Variants in AHR observed in about 807,000 individuals in gnomAD.
The protein encoded by AHR is aryl hydrocarbon receptor, also known as AH-receptor.
Under a neutral mutation model 86.8 loss-of-function variants are expected in AHR, and 40 were observed. That is an observed-to-expected ratio of 0.46 (90% confidence interval 0.36 to 0.60). AHR has a LOEUF of 0.60. Among genes scored for constraint, AHR ranks in the 20% least tolerant of loss-of-function variants. The pLI is 0.00. For synonymous variants in AHR, 398 were observed against 354.9 expected (o/e 1.12, Z -1.37); for missense variants, 1,001 against 1,011.6 (o/e 0.99, Z 0.14).
In AHR at chr7:17,299,129, C is replaced by G. The variant is rs559832842; in HGVS notation, c.-136C>G. Reference sequence around the variant, plus strand: ...GAGGCGCGGCGCCCACGCCACTGTCCCGAGAGGACGCAGGTGGAGCGGGCG... The same window carrying G: ...GAGGCGCGGCGCCCACGCCACTGTCGCGAGAGGACGCAGGTGGAGCGGGCG... On this transcript the variant is annotated 5_prime_UTR_variant, in exon 1 of 11. Coordinates refer to ENST00000242057, the MANE Select transcript of AHR (RefSeq NM_001621.5). The G allele has an allele frequency of 2.1e-6, 2 of 962,060 alleles. No individual in the cohort carries two copies. The highest frequency in any genetic ancestry group is 3.6e-5 in the South Asian group (2 of 55,186). The allele number at this position is 962,060 out of a possible 1,614,324, so 59.6% of individuals were successfully genotyped here. A position where few individuals can be genotyped will look rare whatever the true frequency, so the allele number is the denominator to read the frequency against.
intron 10 of AHR, 130 bp from the exon 11 acceptor site, chr7:17,342,791 A>C: frequency 1.2e-6 from 1 of 813,446 alleles, no homozygotes; most frequent in Non-Finnish European, 1.9e-6. Flanking sequence ...AAAATTTAGC[A>C]ACAGTAAAGG....
At chr7:17,314,724 TTGA>T (rs1244397572) in intron 2 of AHR, among the ~76,000 whole-genome samples, 1 of 152,090 alleles carries the variant, frequency 6.6e-6, no homozygotes, top group East Asian at 1.9e-4. Flanking sequence ...CTTCTAAGTG[TTGA>T]TGTTTTATAA....
intron 6 of AHR, among the ~76,000 whole-genome samples, chr7:17,332,874 C>G (rs996201513): frequency 2.0e-5 from 3 of 151,956 alleles, no homozygotes. Context: ...ACCACTCACT[C>G]ACTGACTAAA....
intron 1 of AHR, among the ~76,000 whole-genome samples, chr7:17,306,263 C>T (rs1034145175): frequency 6.6e-6 from 1 of 152,038 alleles, no homozygotes; most frequent in Non-Finnish European, 1.5e-5. Context: ...TAAGATTACT[C>T]TATTTTTAAT....
At chr7:17,305,533 A>G (rs1223186524) in intron 1 of AHR, among the ~76,000 whole-genome samples, 1 of 152,102 alleles carries the variant, frequency 6.6e-6, no homozygotes, top group Non-Finnish European at 1.5e-5. Flanking sequence ...GTTGAATGGA[A>G]GGGCACAGGG....
chr7:17,317,302 G>A (rs192003108), intron 2 of AHR, among the ~76,000 whole-genome samples: 6 of 151,430 alleles, frequency 4.0e-5, no homozygotes, highest in South Asian at 2.1e-4. Context: ...TTCTTTTATC[G>A]AAAGTGGCAC....
At chr7:17,305,135 CAGA>C (rs1781992656) in intron 1 of AHR, among the ~76,000 whole-genome samples, 3 of 152,090 alleles carry the variant, frequency 2.0e-5, no homozygotes, top group Admixed American at 2.0e-4. Context: ...AGGAGGGTGG[CAGA>C]AGACTTCTGA....
At chr7:17,313,744 A>G (rs1243991457) in intron 2 of AHR, among the ~76,000 whole-genome samples, 2 of 152,184 alleles carry the variant, frequency 1.3e-5, no homozygotes, top group African/African-American at 4.8e-5. Context: ...TAAGCATTAC[A>G]TTTAAATATA....
chr7:17,344,225 A>G lies in AHR; in HGVS notation c.*1161A>G, dbSNP rs989948010. 1 of 152,724 alleles carries G rather than the reference A, an allele frequency of 6.5e-6. No individual in the cohort carries two copies. The highest frequency in any genetic ancestry group is 1.5e-5 in the Non-Finnish European group (1 of 68,014). The allele number at this position is 152,724 out of a possible 1,614,324, so 9.5% of individuals were successfully genotyped here. On this transcript the variant is annotated 3_prime_UTR_variant, in exon 11 of 11. Coordinates refer to ENST00000242057, the MANE Select transcript of AHR (RefSeq NM_001621.5). The stretch of plus-strand genomic sequence containing the variant: ...TTCGCTTCTTAGAACAGTGGAAACT[A>G]TGTGTTTTTCTCATATTTGAGGAGT...
intron 1 of AHR, among the ~76,000 whole-genome samples, chr7:17,299,681 TCTC>T (rs757163668): frequency 1.3e-5 from 2 of 152,220 alleles, no homozygotes; most frequent in African/African-American, 4.8e-5. Flanking sequence ...TGTCTTGAAA[TCTC>T]CTTCCACTTT....
intron 2 of AHR, among the ~76,000 whole-genome samples, chr7:17,318,128 T>C (rs758819590): frequency 6.6e-6 from 1 of 152,128 alleles, no homozygotes; most frequent in African/African-American, 2.4e-5. Flanking sequence ...GGGGATATGC[T>C]TTCCCTGGCA....
chr7:17,299,348 T>C lies in AHR; in HGVS notation c.65+19T>C. 1.9e-6 allele frequency: 3 copies of C among 1,610,552 alleles called. No individual in the cohort carries two copies. The highest frequency in any genetic ancestry group is 2.5e-6 in the Non-Finnish European group (3 of 1,178,896). On this transcript the variant is annotated intron_variant, in intron 1 of 10. Coordinates refer to ENST00000242057, the MANE Select transcript of AHR (RefSeq NM_001621.5). ...AGAAAACGTGAGTGTCCCGAGCGCG[T>C]CCTCATCGCGGGGGCTGGGCGCTCA...
chr7:17,318,209 T>G (rs1342830387), intron 2 of AHR, among the ~76,000 whole-genome samples: 1 of 152,142 alleles, frequency 6.6e-6, no homozygotes, highest in East Asian at 1.9e-4. Flanking sequence ...TATTCGGTAT[T>G]CCTCATGAAT....
At chr7:17,315,658 C>T (rs1782107759) in intron 2 of AHR, among the ~76,000 whole-genome samples, 1 of 151,800 alleles carries the variant, frequency 6.6e-6, no homozygotes, top group Non-Finnish European at 1.5e-5. Context: ...ATTTAAAAAT[C>T]TGTAGTTAAG....
intron 10 of AHR, 99 bp from the exon 11 acceptor site, chr7:17,342,822 C>T: frequency 1.7e-6 from 2 of 1,191,830 alleles, no homozygotes; most frequent in Non-Finnish European, 2.4e-6. Flanking sequence ...TTACAACTCT[C>T]AGGGGTAAGA....
intron 2 of AHR, among the ~76,000 whole-genome samples, chr7:17,313,261 C>T (rs139492249): frequency 3.3e-5 from 5 of 151,876 alleles, no homozygotes; most frequent in East Asian, 1.9e-4. Context: ...TAGATGCAAA[C>T]GAAGAGATTT....
intron 2 of AHR, among the ~76,000 whole-genome samples, chr7:17,316,758 A>AT (rs954746910): frequency 2.6e-5 from 4 of 151,600 alleles, no homozygotes; most frequent in Admixed American, 6.6e-5. Context: ...TGTCAGCTGG[A>AT]TTTTTTTTTA....
chr7:17,322,047 T>C (rs1782179600), intron 2 of AHR, among the ~76,000 whole-genome samples: 1 of 151,916 alleles, frequency 6.6e-6, no homozygotes, highest in Non-Finnish European at 1.5e-5. Flanking sequence ...TTGCTTTTTT[T>C]CTCCTCACCA....
chr7:17,307,015 T>A (rs1301253637), intron 1 of AHR, among the ~76,000 whole-genome samples: 1 of 152,198 alleles, frequency 6.6e-6, no homozygotes, highest in African/African-American at 2.4e-5. Context: ...AATGGAAATT[T>A]GCTCTCATGT....
Sources: allele counts gnomAD v4.1 joint callset (sites outside exome capture counted in the v4.1 genomes callset), GRCh38; gene constraint gnomAD v4.1.1; transcripts MANE v1.5; gene names NCBI Gene and HGNC (gene_info 2026-07-23, HGNC 2026-07-21).